The following PABIR3 variants were observed in gnomAD, a reference collection of about 807,000 sequenced individuals.
The protein encoded by PABIR3 is PABIR family member 1.
In PABIR3, 20 loss-of-function variants were observed where a neutral mutation model predicts 23.1. The ratio of observed to expected loss-of-function variants is 0.86; its 90% CI spans 0.61 to 1.26. The LOEUF is 1.26. Ranked by LOEUF, PABIR3 falls within the 50% of genes most tolerant of loss-of-function variation. The pLI is 0.00. For synonymous variants in PABIR3, 69 were observed against 68.5 expected (o/e 1.01, Z -0.04); for missense variants, 189 against 195.4 (o/e 0.97, Z 0.20).
At chrX:134,816,108 T>C (rs2148162577) in intron 3 of PABIR3, among the ~76,000 whole-genome samples, 1 of 112,523 alleles carries the variant, frequency 8.9e-6, no homozygotes, top group East Asian at 2.8e-4. Flanking sequence ...TTTTTTTCCA[T>C]GTTGAATTAC....
At chrX:134,796,593 G>C (rs771599651), upstream of PABIR3, 1 of 94,792 alleles carries the variant, frequency 1.1e-5, no homozygotes, top group Non-Finnish European at 2.1e-5. Flanking sequence ...AGGGCAGAGG[G>C]GGGAAAGGGA....
intron 9 of PABIR3, among the ~76,000 whole-genome samples, chrX:134,849,964 C>T (rs964707320): frequency 2.0e-5 from 2 of 102,232 alleles, no homozygotes; most frequent in Admixed American, 2.2e-4. Flanking sequence ...CCTCTTCCTC[C>T]CGGGTTCAAG....
intron 7 of PABIR3, 90 bp downstream of exon 7, chrX:134,847,565 G>T: frequency 1.5e-6 from 1 of 662,350 alleles, no homozygotes; most frequent in African/African-American, 2.2e-5. Context: ...AATATTTTGG[G>T]GGATATATTT....
At chrX:134,833,501 A>C (rs958666545) in intron 4 of PABIR3, among the ~76,000 whole-genome samples, 1 of 112,180 alleles carries the variant, frequency 8.9e-6, no homozygotes, top group African/African-American at 3.2e-5. Context: ...TATGACATTT[A>C]GTTGATATAT....
chrX:134,849,237 A>T lies in PABIR3; in HGVS notation c.589+9A>T. The stretch of plus-strand genomic sequence containing the variant: ...ACCATTAAAAAGAAAAGGTACTTTT[A>T]TCTAACAGTAGAAGTAAATATAACT... On this transcript the variant is annotated intron_variant, in intron 9 of 10. Coordinates refer to ENST00000645433, the MANE Select transcript of PABIR3 (RefSeq NM_001388447.1). 1 of 792,280 alleles carries T rather than the reference A, an allele frequency of 1.3e-6. No individual in the cohort carries two copies. Among genetic ancestry groups the T allele is most frequent in the Non-Finnish European group, 1.6e-6 (1 of 611,177 alleles). The allele number at this position is 792,280 out of a possible 1,213,427, so 65.3% of individuals were successfully genotyped here. A position where few individuals can be genotyped will look rare whatever the true frequency, so the allele number is the denominator to read the frequency against.
intron 4 of PABIR3, 73 bp downstream of exon 4, chrX:134,829,355 A>G (rs955540357): frequency 8.2e-6 from 7 of 851,611 alleles, no homozygotes; most frequent in Non-Finnish European, 1.2e-5. Context: ...GAAAATACCT[A>G]TGTTTCAGTA....
chrX:134,811,584 A>G (rs1012427546), intron 2 of PABIR3, among the ~76,000 whole-genome samples: 2 of 110,220 alleles, frequency 1.8e-5, no homozygotes, highest in Non-Finnish European at 3.8e-5. Context: ...GACGGGTTTC[A>G]CTATGTTGGC....
chrX:134,810,254 C>T, intron 2 of PABIR3: 1 of 754,185 alleles, frequency 1.3e-6, no homozygotes, highest in Non-Finnish European at 1.6e-6. Flanking sequence ...TCTCAGTTAT[C>T]CCTTCATACC....
intron 1 of PABIR3, among the ~76,000 whole-genome samples, chrX:134,801,418 T>G (rs1012968290): frequency 8.9e-6 from 1 of 112,351 alleles, no homozygotes; most frequent in Non-Finnish European, 1.9e-5. Context: ...TGTTGATGAC[T>G]CATGTTTGAT....
At chrX:134,837,060 T>G (rs1275936431) in intron 4 of PABIR3, among the ~76,000 whole-genome samples, 2 of 110,644 alleles carry the variant, frequency 1.8e-5, no homozygotes, top group Non-Finnish European at 3.8e-5. Flanking sequence ...TTTTTTAATT[T>G]GCTGGCCGGG....
Position 134,821,453 on chromosome X carries a change from CT to C in PABIR3, c.189+6607del, listed in dbSNP as rs1033896926. ...AACTCTGAAGTTGCCATGCCTGTTC[CT>C]TTCTCTCCCACCAGGAATTCTGGCA... On this transcript the variant is annotated intron_variant, in intron 3 of 10. Coordinates refer to ENST00000645433, the MANE Select transcript of PABIR3 (RefSeq NM_001388447.1). 3 of 1,152,108 alleles carry C rather than the reference CT, an allele frequency of 2.6e-6. No individual in the cohort carries two copies. The African/African-American group carries it at 5.4e-5, about 21-fold the overall frequency. 94.9% of individuals were successfully genotyped at this position (1,152,108 alleles called of 1,213,427 possible).
At chrX:134,819,675 G>A (rs1003595691) in intron 3 of PABIR3, among the ~76,000 whole-genome samples, 4 of 110,638 alleles carry the variant, frequency 3.6e-5, no homozygotes, top group Non-Finnish European at 7.6e-5. Flanking sequence ...ACCTGAGGTC[G>A]GGAGTTCAAG....
At chrX:134,804,207 T>A, upstream of PABIR3, 1 of 1,151,324 alleles carries the variant, frequency 8.7e-7, no homozygotes, top group Middle Eastern at 2.3e-4. Context: ...CATGGCATAT[T>A]TCCCTGGAAC....
intron 3 of PABIR3, chrX:134,823,072 G>A (rs1223162487): frequency 9.0e-6 from 1 of 110,849 alleles, no homozygotes; most frequent in Non-Finnish European, 1.9e-5. Context: ...CCTGGGAGAT[G>A]GAGGTTGCAC....
intron 4 of PABIR3, among the ~76,000 whole-genome samples, chrX:134,844,481 A>G (rs1164227043): frequency 3.6e-5 from 4 of 110,159 alleles, no homozygotes; most frequent in Non-Finnish European, 7.6e-5. Flanking sequence ...GTCTTTCTGT[A>G]GGTGGGTTAT....
chrX:134,803,223 G>A (rs181606564), upstream of PABIR3, among the ~76,000 whole-genome samples: 3 of 112,152 alleles, frequency 2.7e-5, no homozygotes, highest in East Asian at 5.6e-4. Context: ...GGGAGCTGGA[G>A]GGGGCTGCAT....
intron 1 of PABIR3, among the ~76,000 whole-genome samples, chrX:134,798,156 A>T (rs1440600275): frequency 1.8e-5 from 2 of 112,418 alleles, no homozygotes; most frequent in African/African-American, 6.5e-5. Context: ...ACACCTACAT[A>T]ACACTTGTTA....
In PABIR3 at chrX:134,821,001, G is replaced by A. The variant is rs377718516; in HGVS notation, c.189+6152G>A. Among the ~76,000 whole-genome samples the A allele has an allele frequency of 6.2e-4, 65 of 105,534 alleles. No individual in the cohort carries two copies. The South Asian group carries it at 6.4e-3, about 10-fold the overall frequency. 91.6% of individuals were successfully genotyped at this position (105,534 alleles called of 115,157 possible). The stretch of plus-strand genomic sequence containing the variant: ...CCCGCCACTGCACTCCAGCCTGGGC[G>A]ACAGAGACAGACTCCATATGAAAAA... On this transcript the variant is annotated intron_variant, in intron 3 of 10. Coordinates refer to ENST00000645433, the MANE Select transcript of PABIR3 (RefSeq NM_001388447.1).
At chrX:134,848,585 C>T (rs2082517104) in intron 8 of PABIR3, among the ~76,000 whole-genome samples, 2 of 112,145 alleles carry the variant, frequency 1.8e-5, no homozygotes, top group South Asian at 7.4e-4. Context: ...CACCTTCATT[C>T]AAGGCAAGTC....
Sources: gnomAD v4.1 joint callset for allele counts (sites outside exome capture counted in the v4.1 genomes callset) on GRCh38, gnomAD v4.1.1 for gene constraint, MANE v1.5 for transcripts, NCBI Gene and HGNC (gene_info 2026-07-23, HGNC 2026-07-21) for gene names.